ELMOD1: variants seen among roughly 807,000 people sequenced by gnomAD.
The protein encoded by ELMOD1 is ELMO domain-containing protein 1.
Under a neutral mutation model 46.7 loss-of-function variants are expected in ELMOD1, and 21 were observed. That is an observed-to-expected ratio of 0.45 (90% confidence interval 0.32 to 0.65). The LOEUF (loss-of-function observed/expected upper bound fraction) is 0.65. ELMOD1 is among the 30% of genes least tolerant of loss of function. The pLI is 0.04. For missense variants in ELMOD1, 348 were observed against 407.8 expected, an observed-to-expected ratio of 0.85 and a Z score of 1.26; for synonymous variants, 122 against 138.2, an observed-to-expected ratio of 0.88 and a Z score of 0.82.
rs200177422 is a variant in ELMOD1 at position 107,602,876 on chromosome 11, C to G, written c.-86+11467C>G. The stretch of plus-strand genomic sequence containing the variant: ...TGCACAGGTGGGGCTTGTTGACCAT[C>G]TTTCACAGTAGTCCAGTTGGGGGCT... On this transcript the variant is annotated intron_variant, in intron 1 of 11. Transcript: ENST00000265840. 5.0e-3 allele frequency among the ~76,000 whole-genome samples: 761 copies of G among 151,782 alleles called. 2 individuals carry two copies. Among genetic ancestry groups the G allele is most frequent in the Non-Finnish European group, 8.9e-3 (603 of 67,882 alleles).
intron 2 of ELMOD1, chr11:107,625,364 C>T: frequency 1.0e-6 from 1 of 959,278 alleles, no homozygotes; most frequent in African/African-American, 1.8e-5. Context: ...ACATATCTTT[C>T]ATCAACAATA....
intron 2 of ELMOD1, among the ~76,000 whole-genome samples, chr11:107,624,392 T>C (rs999105157): frequency 3.3e-5 from 5 of 152,230 alleles, no homozygotes; most frequent in Non-Finnish European, 7.3e-5. Flanking sequence ...GGCTCATGCC[T>C]ATAATCCTAG....
At chr11:107,614,471 T>G (rs1865828097) in intron 1 of ELMOD1, among the ~76,000 whole-genome samples, 1 of 152,144 alleles carries the variant, frequency 6.6e-6, no homozygotes, top group Non-Finnish European at 1.5e-5. Context: ...CCTGAGTAAC[T>G]GGGGCTACAG....
At chr11:107,623,172 G>C (rs545168343) in intron 2 of ELMOD1, 1 of 151,452 alleles carries the variant, frequency 6.6e-6, no homozygotes, top group South Asian at 2.1e-4. Context: ...TCCCCTTCCT[G>C]TGTCCATACA....
intron 2 of ELMOD1, among the ~76,000 whole-genome samples, chr11:107,622,424 T>C (rs1001843022): frequency 1.3e-5 from 2 of 152,064 alleles, no homozygotes; most frequent in Non-Finnish European, 2.9e-5. Flanking sequence ...CATGGCAACA[T>C]TTTCACCCCG....
chr11:107,658,104 A>T (rs904247359), intron 11 of ELMOD1, among the ~76,000 whole-genome samples: 1 of 152,178 alleles, frequency 6.6e-6, no homozygotes, highest in Non-Finnish European at 1.5e-5. Context: ...AGAGAAAAAA[A>T]TTTTTTAATC....
intron 1 of ELMOD1, among the ~76,000 whole-genome samples, chr11:107,606,561 G>A (rs886614238): frequency 5.9e-5 from 9 of 152,232 alleles, no homozygotes; most frequent in Non-Finnish European, 1.0e-4. Context: ...GCGGCAGAGC[G>A]CGGTGGCTCA....
chr11:107,641,337 C>T (rs1463713300), intron 6 of ELMOD1, among the ~76,000 whole-genome samples: 1 of 150,726 alleles, frequency 6.6e-6, no homozygotes, highest in Non-Finnish European at 1.5e-5. Context: ...ATATATATCT[C>T]TAACAGGAAG....
chr11:107,656,094 T>C, intron 11 of ELMOD1, 28 bp downstream of exon 11: 3 of 1,550,050 alleles, frequency 1.9e-6, no homozygotes, highest in Non-Finnish European at 2.6e-6. Flanking sequence ...TAATTATCAA[T>C]ATAGGTTTCT....
intron 1 of ELMOD1, chr11:107,591,860 A>G: frequency 2.1e-6 from 1 of 480,090 alleles, no homozygotes; most frequent in Non-Finnish European, 4.3e-6. Flanking sequence ...GGAGCTAGGC[A>G]GCCGGGCTGC....
intron 1 of ELMOD1, chr11:107,591,675 G>A (rs1865394406): frequency 2.7e-6 from 1 of 364,900 alleles, no homozygotes; most frequent in Non-Finnish European, 5.7e-6. Context: ...GGCGCGAGAG[G>A]CTGTTTGCAT....
chr11:107,656,757 A>G (rs1866641450), intron 11 of ELMOD1, among the ~76,000 whole-genome samples: 1 of 152,174 alleles, frequency 6.6e-6, no homozygotes, highest in Non-Finnish European at 1.5e-5. Context: ...TCCTCATGGC[A>G]TAGCACTTAA....
intron 6 of ELMOD1, among the ~76,000 whole-genome samples, chr11:107,643,190 A>G (rs1360672908): frequency 1.3e-5 from 2 of 152,180 alleles, no homozygotes; most frequent in East Asian, 3.9e-4. Flanking sequence ...AACATGGTGA[A>G]ACCTCATCTC....
intron 1 of ELMOD1, among the ~76,000 whole-genome samples, chr11:107,614,035 A>T (rs1865820961): frequency 1.3e-5 from 2 of 152,216 alleles, no homozygotes; most frequent in South Asian, 4.1e-4. Flanking sequence ...CCAAAATATC[A>T]TATCTTAATG....
intron 1 of ELMOD1, among the ~76,000 whole-genome samples, chr11:107,595,949 C>G (rs1865485694): frequency 1.3e-5 from 2 of 152,022 alleles, no homozygotes; most frequent in African/African-American, 4.8e-5. Context: ...CAAAATAATT[C>G]ACAATTTGAT....
intron 11 of ELMOD1, among the ~76,000 whole-genome samples, chr11:107,661,541 C>G (rs1470140223): frequency 6.6e-6 from 1 of 152,088 alleles, no homozygotes; most frequent in African/African-American, 2.4e-5. Context: ...AAACCTGACT[C>G]TATGTACAAA....
intron 11 of ELMOD1, among the ~76,000 whole-genome samples, chr11:107,660,308 G>A (rs1242776223): frequency 1.3e-5 from 2 of 152,140 alleles, no homozygotes; most frequent in Non-Finnish European, 2.9e-5. Context: ...CTAGGTAGAA[G>A]AATAGAAGAA....
intron 6 of ELMOD1, among the ~76,000 whole-genome samples, chr11:107,645,116 A>G (rs1429543820): frequency 8.9e-4 from 52 of 58,442 alleles, no homozygotes; most frequent in Admixed American, 7.0e-3. Flanking sequence ...TTTTTGTATT[A>G]TTTGTAGAGA....
intron 11 of ELMOD1, among the ~76,000 whole-genome samples, chr11:107,658,834 C>T (rs1866678872): frequency 6.6e-6 from 1 of 152,180 alleles, no homozygotes; most frequent in Non-Finnish European, 1.5e-5. Context: ...ACTCGGGAGG[C>T]TGAGGCATGA....
Sources: gnomAD v4.1 joint callset for allele counts (sites outside exome capture counted in the v4.1 genomes callset) on GRCh38, gnomAD v4.1.1 for gene constraint, MANE v1.5 for transcripts, NCBI Gene and HGNC (gene_info 2026-07-23, HGNC 2026-07-21) for gene names.